CEP63: variants seen among roughly 807,000 people sequenced by gnomAD.
The protein encoded by CEP63 is centrosomal protein of 63 kDa.
CEP63 carries 84 observed loss-of-function variants against 89.1 expected under a neutral mutation model. That is an observed-to-expected ratio of 0.94 (90% CI 0.79 to 1.13). The LOEUF (loss-of-function observed/expected upper bound fraction) is 1.13, where lower values mean the gene tolerates loss of function less well. Ranked by LOEUF, CEP63 falls within the 50% of genes most tolerant of loss-of-function variation. CEP63 has a pLI of 0.00. For missense variants in CEP63, 838 were observed against 813.3 expected (o/e 1.03, Z -0.37); for synonymous variants, 267 against 272.5 (o/e 0.98, Z 0.20).
the CEP63 span, among the ~76,000 whole-genome samples, chr3:134,642,493 C>T: frequency 1.3e-5 from 2 of 151,408 alleles, 1 homozygote; most frequent in Non-Finnish European, 2.9e-5. Flanking sequence ...GCTGTGGGGC[C>T]CTCCTGTCTC....
At chr3:134,571,364 C>T (rs1958002037) in intron 11 of CEP63, among the ~76,000 whole-genome samples, 1 of 152,130 alleles carries the variant, frequency 6.6e-6, no homozygotes, top group African/African-American at 2.4e-5. Flanking sequence ...ATGGACCCCT[C>T]AGAATAATGA....
At chr3:134,718,670 T>C in the CEP63 span, among the ~76,000 whole-genome samples, 3 of 152,216 alleles carry the variant, frequency 2.0e-5, no homozygotes, top group Non-Finnish European at 2.9e-5. Context: ...TTTTGATCTA[T>C]TTACCTTATG....
the CEP63 span, among the ~76,000 whole-genome samples, chr3:134,702,020 G>T: frequency 6.6e-6 from 1 of 152,044 alleles, no homozygotes; most frequent in African/African-American, 2.4e-5. Context: ...TCTCTGTGAT[G>T]GAGGGACAAA....
chr3:134,592,469 G>GGTGTGTGTGTGTGTGTGTGTGTGTGTGT (rs34973626), downstream of CEP63, among the ~76,000 whole-genome samples: 30 of 125,198 alleles, frequency 2.4e-4, 1 homozygote, highest in East Asian at 7.5e-4. Flanking sequence ...TCTGCAAACT[G>GGTGTGTGTGTGTGTGTGTGTGTGTGTGT]GTGTGTGTGT....
chr3:134,758,359 C>T, the CEP63 span, among the ~76,000 whole-genome samples: 4 of 152,136 alleles, frequency 2.6e-5, no homozygotes, highest in Non-Finnish European at 5.9e-5. Context: ...TGTCAGTAGC[C>T]AACATAATGC....
the CEP63 span, among the ~76,000 whole-genome samples, chr3:134,706,641 C>T: frequency 1.3e-5 from 2 of 152,122 alleles, no homozygotes; most frequent in Non-Finnish European, 2.9e-5. Context: ...TATGAGTTTC[C>T]TAGGGCCGCC....
chr3:134,692,900 C>T, the CEP63 span, among the ~76,000 whole-genome samples: 147 of 152,216 alleles, frequency 9.7e-4, no homozygotes, highest in Non-Finnish European at 1.9e-3. Context: ...GGCATTCCCG[C>T]TCTGCTTCTT....
chr3:134,619,681 T>G, the CEP63 span, among the ~76,000 whole-genome samples: 1 of 152,204 alleles, frequency 6.6e-6, no homozygotes, highest in Non-Finnish European at 1.5e-5. Context: ...AAGGCTGCTC[T>G]CCCACAGCCT....
chr3:134,746,086 C>A, the CEP63 span, among the ~76,000 whole-genome samples: 1 of 147,102 alleles, frequency 6.8e-6, no homozygotes. Flanking sequence ...CACCCCATGA[C>A]AGGCCCTGGT....
downstream of CEP63, among the ~76,000 whole-genome samples, chr3:134,567,737 G>A (rs571445888): frequency 1.3e-5 from 2 of 152,330 alleles, no homozygotes; most frequent in East Asian, 1.9e-4. Context: ...CTGCTCTTCC[G>A]GGTGGGAGTT....
At chr3:134,664,108 G>A in the CEP63 span, among the ~76,000 whole-genome samples, 3 of 152,230 alleles carry the variant, frequency 2.0e-5, no homozygotes, top group African/African-American at 7.2e-5. Context: ...GGCCTCCTCC[G>A]GCATCTGGAC....
intron 3 of CEP63, among the ~76,000 whole-genome samples, chr3:134,531,539 A>C (rs950282691): frequency 6.6e-6 from 1 of 152,140 alleles, no homozygotes; most frequent in Non-Finnish European, 1.5e-5. Flanking sequence ...CCAAGATTGC[A>C]CCACTGCACT....
chr3:134,550,937 T>C (rs1954687457), intron 11 of CEP63, among the ~76,000 whole-genome samples: 1 of 152,166 alleles, frequency 6.6e-6, no homozygotes, highest in South Asian at 2.1e-4. Context: ...TAAAAATGAC[T>C]GGGCATTGTA....
chr3:134,723,686 G>A, the CEP63 span, among the ~76,000 whole-genome samples: 1 of 152,172 alleles, frequency 6.6e-6, no homozygotes, highest in African/African-American at 2.4e-5. Context: ...GAAGAGCTTT[G>A]GGGTAAGGAT....
the CEP63 span, among the ~76,000 whole-genome samples, chr3:134,735,903 C>T: frequency 4.8e-4 from 73 of 152,080 alleles, no homozygotes; most frequent in African/African-American, 1.5e-3. Flanking sequence ...GACTAATCCC[C>T]CAACTCATTT....
chr3:134,720,435 G>A, the CEP63 span, among the ~76,000 whole-genome samples: 1 of 152,012 alleles, frequency 6.6e-6, no homozygotes. Flanking sequence ...TCTTAATGAT[G>A]TCCTTTGAAG....
At chr3:134,515,719 G>A (rs1332917326) in intron 3 of CEP63, among the ~76,000 whole-genome samples, 1 of 152,160 alleles carries the variant, frequency 6.6e-6, no homozygotes, top group Non-Finnish European at 1.5e-5. Context: ...TATAACAGGA[G>A]TTTCCAATCT....
rs1016182969 is a variant in CEP63 at position 134,562,772 on chromosome 3, T to A, written c.*1237T>A. On this transcript the variant is annotated 3_prime_UTR_variant, in exon 15 of 15. Coordinates refer to ENST00000675561, the MANE Select transcript of CEP63 (RefSeq NM_001353108.3). ...CATCATTCAGCACAGTTGGACTCTC[T>A]CTTGGCTTCTGTGACCTGGAACTTC... 1.3e-5 allele frequency: 2 copies of A among 152,604 alleles called. No homozygotes were observed. The highest frequency in any genetic ancestry group is 6.5e-5 in the Admixed American group (1 of 15,286). 9.5% of individuals were successfully genotyped at this position (152,604 alleles called of 1,614,324 possible).
chr3:134,528,507 A>G (rs1291534722), intron 3 of CEP63, among the ~76,000 whole-genome samples: 2 of 151,914 alleles, frequency 1.3e-5, no homozygotes, highest in Non-Finnish European at 2.9e-5. Context: ...CTTGTCTAAC[A>G]TGTGATAGAG....
Sources: allele counts gnomAD v4.1 joint callset (sites outside exome capture counted in the v4.1 genomes callset), GRCh38; gene constraint gnomAD v4.1.1; transcripts MANE v1.5; gene names NCBI Gene and HGNC (gene_info 2026-07-23, HGNC 2026-07-21).